The following UST variants were observed in gnomAD, a reference collection of about 807,000 sequenced individuals.
The protein encoded by UST is chondroitin sulfate 2-O-sulfotransferase.
A neutral mutation model predicts 45.6 loss-of-function variants in UST; 21 were observed. The ratio of observed to expected loss-of-function variants is 0.46; its 90% CI spans 0.33 to 0.66. The LOEUF (loss-of-function observed/expected upper bound fraction) is 0.66. Among genes scored for constraint, UST ranks in the 30% least tolerant of loss-of-function variants. The pLI is 0.02. For synonymous variants in UST, 215 were observed against 200.6 expected (o/e 1.07, Z -0.61); for missense variants, 463 against 512.4 (o/e 0.90, Z 0.93).
At chr6:148,956,562 G>A (rs1274345251) in intron 4 of UST, among the ~76,000 whole-genome samples, 1 of 152,132 alleles carries the variant, frequency 6.6e-6, no homozygotes, top group African/African-American at 2.4e-5. Flanking sequence ...GATTTGGGTG[G>A]GGACACGGAG....
chr6:148,809,859 T>A (rs527741941), intron 1 of UST, among the ~76,000 whole-genome samples: 7 of 152,316 alleles, frequency 4.6e-5, no homozygotes, highest in East Asian at 1.9e-4. Flanking sequence ...ATCTTTTTTT[T>A]AAATATTATA....
In UST at chr6:148,976,421, C is replaced by G. The variant is rs191742579; in HGVS notation, c.681+11858C>G. On this transcript the variant is annotated intron_variant, in intron 5 of 7. Transcript: ENST00000367463. ...TCTTATAAGCTGTTACTATCTGGCT[C>G]CAGCACATTTCCAATTCATACTCTG... is the stretch of plus-strand genomic sequence containing the variant. 2.2e-3 allele frequency among the ~76,000 whole-genome samples: 341 copies of G among 152,260 alleles called. 2 individuals carry two copies. The highest frequency in any genetic ancestry group is 4.7e-3 in the African/African-American group (195 of 41,558).
In UST at chr6:149,053,309, C is replaced by T. The variant is rs550412239; in HGVS notation, c.938-20524C>T. Among the ~76,000 whole-genome samples the T allele has an allele frequency of 1.2e-3, 190 of 152,210 alleles. 1 individual carries two copies. The highest frequency in any genetic ancestry group is 4.5e-3 in the African/African-American group (185 of 41,530). On this transcript the variant is annotated intron_variant, in intron 7 of 7. Transcript: ENST00000367463. ...GAAATCAATTTAATAGTAATTTGGT[C>T]TTGTTAGTCTGTTAAAAAGAATTAT...
At chr6:148,867,509 A>G (rs1471374634) in intron 1 of UST, among the ~76,000 whole-genome samples, 1 of 152,074 alleles carries the variant, frequency 6.6e-6, no homozygotes, top group Non-Finnish European at 1.5e-5. Context: ...TCCCCATCCA[A>G]ATCTCATCTT....
Position 148,854,103 on chromosome 6 carries a change from C to G in UST, c.248-32883C>G, listed in dbSNP as rs117247672. On this transcript the variant is annotated intron_variant, in intron 1 of 7. Transcript: ENST00000367463. ...AGGTTTTTTTAAATAAAAAAGCAAG[C>G]CTGTGGGTCTTCAGAATAAAATCAC... Among the ~76,000 whole-genome samples the G allele has an allele frequency of 3.3e-5, 5 of 152,140 alleles. No individual in the cohort carries two copies. In the South Asian group the frequency reaches 6.2e-4, roughly 19 times the overall value.
intron 1 of UST, among the ~76,000 whole-genome samples, chr6:148,764,584 C>T (rs1193929891): frequency 6.6e-6 from 1 of 151,958 alleles, no homozygotes; most frequent in Non-Finnish European, 1.5e-5. Flanking sequence ...GGAAAGAGTA[C>T]AAAAGAGAGA....
intron 1 of UST, among the ~76,000 whole-genome samples, chr6:148,830,298 G>T (rs1777658611): frequency 6.6e-6 from 1 of 152,180 alleles, no homozygotes; most frequent in African/African-American, 2.4e-5. Context: ...TTCAAAAACT[G>T]TATTTTCTAT....
At chr6:148,778,180 AC>A (rs1409175707) in intron 1 of UST, among the ~76,000 whole-genome samples, 1 of 152,192 alleles carries the variant, frequency 6.6e-6, no homozygotes, top group Non-Finnish European at 1.5e-5. Flanking sequence ...TTTAACCTTC[AC>A]CTTAGCTATA....
intron 2 of UST, among the ~76,000 whole-genome samples, chr6:148,915,881 G>T (rs527243832): frequency 2.6e-5 from 4 of 151,958 alleles, no homozygotes; most frequent in East Asian, 1.9e-4. Context: ...AGGGTGGTGT[G>T]GGGGAGGGTT....
intron 2 of UST, among the ~76,000 whole-genome samples, chr6:148,921,973 G>A (rs1014743837): frequency 2.6e-5 from 4 of 152,172 alleles, no homozygotes; most frequent in African/African-American, 9.7e-5. Context: ...TAGTAAGGAG[G>A]ACATCGGCCA....
At chr6:148,927,003 A>G (rs1206006332) in intron 2 of UST, among the ~76,000 whole-genome samples, 1 of 152,194 alleles carries the variant, frequency 6.6e-6, no homozygotes, top group Admixed American at 6.5e-5. Context: ...AAAGCAATTA[A>G]CAATACAATA....
chr6:148,829,847 T>C (rs773016696), intron 1 of UST, among the ~76,000 whole-genome samples: 1 of 152,224 alleles, frequency 6.6e-6, no homozygotes. Context: ...CTTGCTTTGG[T>C]CTGACCTAGG....
chr6:148,867,300 A>ACC (rs1778458086), intron 1 of UST, among the ~76,000 whole-genome samples: 1 of 135,320 alleles, frequency 7.4e-6, no homozygotes, highest in South Asian at 2.5e-4. Flanking sequence ...ACACACACAC[A>ACC]CACACACACA....
chr6:149,018,523 C>T (rs1252092425), intron 5 of UST, among the ~76,000 whole-genome samples: 3 of 152,168 alleles, frequency 2.0e-5, no homozygotes, highest in South Asian at 2.1e-4. Context: ...GCTCTGGTAA[C>T]GCCCTCAGAA....
chr6:148,970,319 G>A (rs888301743), intron 5 of UST, among the ~76,000 whole-genome samples: 1 of 152,206 alleles, frequency 6.6e-6, no homozygotes. Context: ...AGCCATGTGT[G>A]TAGTGTGTAG....
At chr6:148,854,922 G>A (rs1448942259) in intron 1 of UST, among the ~76,000 whole-genome samples, 1 of 152,090 alleles carries the variant, frequency 6.6e-6, no homozygotes, top group African/African-American at 2.4e-5. Context: ...TACCCGAGAC[G>A]GGGCAATTTA....
At chr6:148,942,344 G>C (rs1029330803) in intron 3 of UST, among the ~76,000 whole-genome samples, 3 of 151,976 alleles carry the variant, frequency 2.0e-5, no homozygotes, top group Non-Finnish European at 4.4e-5. Context: ...TCGAGATCAA[G>C]GCCAGGATTG....
intron 5 of UST, among the ~76,000 whole-genome samples, chr6:149,003,257 C>T (rs1049185342): frequency 5.3e-5 from 8 of 152,218 alleles, no homozygotes; most frequent in Admixed American, 4.6e-4. Context: ...TGAAGTTTAC[C>T]TTGCATTTCA....
At chr6:149,072,945 T>C (rs549417620) in intron 7 of UST, among the ~76,000 whole-genome samples, 4 of 152,316 alleles carry the variant, frequency 2.6e-5, no homozygotes, top group African/African-American at 9.6e-5. Flanking sequence ...ACAGTGGTGA[T>C]GGTTGCACAA....
Sources: allele counts gnomAD v4.1 joint callset (sites outside exome capture counted in the v4.1 genomes callset), GRCh38; gene constraint gnomAD v4.1.1; transcripts MANE v1.5; gene names NCBI Gene and HGNC (gene_info 2026-07-23, HGNC 2026-07-21).